Variants in LIMD1 observed in about 807,000 individuals in gnomAD.
The protein encoded by LIMD1 is LIM domain containing 1, also known as LIM domain-containing protein 1.
Under a neutral mutation model 58.4 loss-of-function variants are expected in LIMD1, and 23 were observed. That is an observed-to-expected ratio of 0.39 (90% CI 0.28 to 0.56). The LOEUF (loss-of-function observed/expected upper bound fraction) is 0.56, where lower values mean the gene tolerates loss of function less well. LIMD1 is among the 20% of genes least tolerant of loss of function. LIMD1 has a pLI of 0.57. For missense variants in LIMD1, 838 were observed against 855.5 expected (o/e 0.98, Z 0.25); for synonymous variants, 334 against 345.5 (o/e 0.97, Z 0.37).
At chr3:45,661,862 A>AT (rs1281845225) in intron 2 of LIMD1, among the ~76,000 whole-genome samples, 2 of 152,164 alleles carry the variant, frequency 1.3e-5, no homozygotes, top group Admixed American at 1.3e-4. Flanking sequence ...GGCACAAGTG[A>AT]TCCTCCTAGC....
chr3:45,666,610 C>T (rs990663872), intron 3 of LIMD1, among the ~76,000 whole-genome samples: 2 of 152,268 alleles, frequency 1.3e-5, no homozygotes, highest in Admixed American at 6.5e-5. Flanking sequence ...GTCCCTCCTG[C>T]ACCCACAATG....
At chr3:45,617,864 T>C (rs267230) in intron 1 of LIMD1, among the ~76,000 whole-genome samples, 36,667 of 152,136 alleles carry the variant, frequency 0.24, 4,651 homozygotes, top group East Asian at 0.46. Flanking sequence ...TCAGCTTTAA[T>C]AGGCTCTACC....
At chr3:45,647,228 T>A (rs1701916922) in intron 2 of LIMD1, among the ~76,000 whole-genome samples, 2 of 152,216 alleles carry the variant, frequency 1.3e-5, no homozygotes, top group Admixed American at 6.5e-5. Context: ...ATCATATGCC[T>A]TTTCCCTCAT....
At chr3:45,626,681 C>G (rs1181782020) in intron 1 of LIMD1, among the ~76,000 whole-genome samples, 1 of 152,080 alleles carries the variant, frequency 6.6e-6, no homozygotes, top group Non-Finnish European at 1.5e-5. Context: ...CTTGTCCACA[C>G]CCATAGAATG....
intron 2 of LIMD1, among the ~76,000 whole-genome samples, chr3:45,665,251 G>A (rs996784982): frequency 2.0e-5 from 3 of 152,086 alleles, no homozygotes; most frequent in Admixed American, 2.0e-4. Flanking sequence ...ATATGTCCAA[G>A]GTGACTGTCA....
At chr3:45,625,177 T>A (rs779026001) in intron 1 of LIMD1, among the ~76,000 whole-genome samples, 1 of 152,150 alleles carries the variant, frequency 6.6e-6, no homozygotes, top group Non-Finnish European at 1.5e-5. Flanking sequence ...ATTTCTCTTA[T>A]GTGTGTTATA....
intron 1 of LIMD1, chr3:45,632,450 G>C: frequency 1.1e-6 from 1 of 910,974 alleles, no homozygotes; most frequent in Non-Finnish European, 1.3e-6. Flanking sequence ...AGTGCACTCT[G>C]TCTGTGGCTG....
chr3:45,628,611 A>G (rs1701693869), intron 1 of LIMD1, among the ~76,000 whole-genome samples: 1 of 152,232 alleles, frequency 6.6e-6, no homozygotes, highest in South Asian at 2.1e-4. Context: ...AATTTCTTAA[A>G]CAGTTAATCA....
chr3:45,667,141 A>G (rs1197880287), intron 3 of LIMD1, among the ~76,000 whole-genome samples: 6 of 152,238 alleles, frequency 3.9e-5, no homozygotes, highest in Non-Finnish European at 2.9e-5. Context: ...TCAGTTTCAC[A>G]TCCGATGGGC....
intron 2 of LIMD1, among the ~76,000 whole-genome samples, chr3:45,662,991 AAAAAC>A (rs1697464137): frequency 6.6e-6 from 1 of 152,120 alleles, no homozygotes; most frequent in Non-Finnish European, 1.5e-5. Flanking sequence ...CTCAAAAAAA[AAAAAC>A]AAAACAGTAC....
At chr3:45,627,342 A>C (rs1559517963) in intron 1 of LIMD1, among the ~76,000 whole-genome samples, 1 of 152,210 alleles carries the variant, frequency 6.6e-6, no homozygotes, top group Non-Finnish European at 1.5e-5. Context: ...ACTGGAAAGG[A>C]TATAGATAAG....
chr3:45,641,894 G>A (rs1300615496), intron 2 of LIMD1, among the ~76,000 whole-genome samples: 1 of 152,228 alleles, frequency 6.6e-6, no homozygotes, highest in Non-Finnish European at 1.5e-5. Context: ...CCACAGCTCT[G>A]TTCTGAGAGG....
chr3:45,665,588 C>T (rs1697505211), intron 2 of LIMD1, 62 bp from the exon 3 acceptor site: 1 of 1,370,774 alleles, frequency 7.3e-7, no homozygotes. Flanking sequence ...TCACTTTTCA[C>T]TTTTTCCACT....
intron 1 of LIMD1, among the ~76,000 whole-genome samples, chr3:45,608,820 A>G (rs112336374): frequency 0.031 from 4,424 of 143,246 alleles, 218 homozygotes; most frequent in African/African-American, 0.11. Flanking sequence ...AGCCTGGGCA[A>G]CAGAGCGAGA....
chr3:45,627,903 G>T (rs990043016), intron 1 of LIMD1, among the ~76,000 whole-genome samples: 2 of 151,602 alleles, frequency 1.3e-5, no homozygotes, highest in African/African-American at 2.4e-5. Flanking sequence ...AGCTACTCAG[G>T]AGGCTGAGGC....
intron 2 of LIMD1, among the ~76,000 whole-genome samples, chr3:45,658,640 C>G (rs1326590229): frequency 1.4e-5 from 2 of 141,018 alleles, no homozygotes; most frequent in Non-Finnish European, 3.0e-5. Context: ...ACCACAATCT[C>G]CACTCCTTGG....
chr3:45,606,780 A>T (rs1253970359), intron 1 of LIMD1, among the ~76,000 whole-genome samples: 5 of 151,972 alleles, frequency 3.3e-5, no homozygotes, highest in Non-Finnish European at 5.9e-5. Context: ...AGGTGCTTGA[A>T]CCAAATTTTG....
chr3:45,652,733 A>T (rs1701987895), intron 2 of LIMD1, among the ~76,000 whole-genome samples: 1 of 152,210 alleles, frequency 6.6e-6, no homozygotes, highest in Admixed American at 6.5e-5. Flanking sequence ...CGAATCCTGC[A>T]GATGTTTGTC....
chr3:45,648,499 A>C (rs1701929798), intron 2 of LIMD1, among the ~76,000 whole-genome samples: 1 of 152,190 alleles, frequency 6.6e-6, no homozygotes, highest in African/African-American at 2.4e-5. Flanking sequence ...GTTGATAGAC[A>C]CTTGTTTTTA....
Sources: allele counts gnomAD v4.1 joint callset (sites outside exome capture counted in the v4.1 genomes callset), GRCh38; gene constraint gnomAD v4.1.1; transcripts MANE v1.5; gene names NCBI Gene and HGNC (gene_info 2026-07-23, HGNC 2026-07-21).